LRRIQ1: variants seen among roughly 807,000 people sequenced by gnomAD.
LRRIQ1 encodes leucine rich repeats and IQ motif containing 1, also known as leucine-rich repeat- and IQ domain-containing protein 1.
In LRRIQ1, 210 loss-of-function variants were observed where a neutral mutation model predicts 211.9. The observed-to-expected ratio is 0.99, with a 90% CI of 0.89 to 1.11. LRRIQ1 has a LOEUF of 1.11. Ranked by LOEUF, LRRIQ1 falls within the 50% of genes most tolerant of loss-of-function variation. The pLI is 0.00. For missense variants in LRRIQ1, 2,136 were observed against 1,939.5 expected, an observed-to-expected ratio of 1.10 and a Z score of -1.90; for synonymous variants, 699 against 650.1, an observed-to-expected ratio of 1.08 and a Z score of -1.14.
chr12:85,066,955 T>C, intron 10 of LRRIQ1, 57 bp downstream of exon 10: 1 of 1,033,556 alleles, frequency 9.7e-7, no homozygotes, highest in Non-Finnish European at 1.3e-6. Flanking sequence ...TTATTGTGTT[T>C]TATTTATTCC....
At chr12:85,086,781 A>T (rs1183428102) in intron 11 of LRRIQ1, among the ~76,000 whole-genome samples, 1 of 152,006 alleles carries the variant, frequency 6.6e-6, no homozygotes, top group Non-Finnish European at 1.5e-5. Context: ...GTGTTATAGA[A>T]ACAAGTCTGT....
At chr12:85,271,279 A>G in the LRRIQ1 span, among the ~76,000 whole-genome samples, 1 of 152,178 alleles carries the variant, frequency 6.6e-6, no homozygotes, top group Non-Finnish European at 1.5e-5. Context: ...CTGAATGTGA[A>G]ATTTTGAGAA....
In LRRIQ1 at chr12:85,197,931, AATT is replaced by A. The variant is rs1473608195; in HGVS notation, c.4823-31583_4823-31581del. ...TATATAATAAAAATATATATAATAT[AATT>A]ATATATATTTATATATAATTATATA... On this transcript the variant is annotated intron_variant, in intron 24 of 26. Coordinates refer to ENST00000393217, the MANE Select transcript of LRRIQ1 (RefSeq NM_001079910.2). Among the ~76,000 whole-genome samples, 4 of 111,650 alleles carry A rather than the reference AATT, an allele frequency of 3.6e-5. No homozygotes were observed. The East Asian group carries it at 8.6e-4, about 24-fold the overall frequency. 73.2% of individuals were successfully genotyped at this position (111,650 alleles called of 152,430 possible). A position where few individuals can be genotyped will look rare whatever the true frequency, so the allele number is the denominator to read the frequency against.
chr12:85,198,274 G>A (rs985188397), intron 24 of LRRIQ1, among the ~76,000 whole-genome samples: 11 of 147,950 alleles, frequency 7.4e-5, no homozygotes, highest in Admixed American at 5.6e-4. Flanking sequence ...ATGAACATAC[G>A]TGTCCATGTG....
chr12:85,153,755 A>G lies in LRRIQ1; in HGVS notation c.4634A>G (p.Glu1545Gly). 1 of 1,532,826 alleles carries G rather than the reference A, an allele frequency of 6.5e-7. No homozygotes were observed. The highest frequency in any genetic ancestry group is 1.2e-5 in the South Asian group (1 of 82,356). 95.0% of individuals were successfully genotyped at this position (1,532,826 alleles called of 1,614,324 possible). ...KSEKEKKISE[E>G]WGFKDISTAQ... ...GAAAAAGAAAAAAAAATTTCAGAAG[A>G]ATGGTATGTAGTCAATTTGACACTA... Residue 1545 changes from glutamate to glycine, a missense_variant, in exon 22 of 27, where the codon GAA (glutamate) becomes GGA (glycine). Coordinates refer to ENST00000393217, the MANE Select transcript of LRRIQ1 (RefSeq NM_001079910.2).
At position 85,198,239 on chromosome 12, in the gene LRRIQ1, C is replaced by CT. The variant is rs898925914; in HGVS notation, c.4823-31275dup. The stretch of plus-strand genomic sequence containing the variant: ...ATGGGCATTTAGGTTGGTTCCATGT[C>CT]TTTGTTATTGTGAATAGTGCTGCAA... On this transcript the variant is annotated intron_variant, in intron 24 of 26. Transcript: ENST00000393217. Among the ~76,000 whole-genome samples, 3 of 142,406 alleles carry CT rather than the reference C, an allele frequency of 2.1e-5. No individual in the cohort carries two copies. In the Admixed American group the frequency reaches 2.2e-4, roughly 11 times the overall value. 93.4% of individuals were successfully genotyped at this position (142,406 alleles called of 152,430 possible).
At chr12:85,246,171 A>C (rs1895709285), downstream of LRRIQ1, among the ~76,000 whole-genome samples, 1 of 151,194 alleles carries the variant, frequency 6.6e-6, no homozygotes, top group Non-Finnish European at 1.5e-5. Flanking sequence ...GGAGAGCTTG[A>C]AGTTTTCTTA....
At chr12:85,037,566 G>A (rs1406394335) in intron 1 of LRRIQ1, among the ~76,000 whole-genome samples, 2 of 151,258 alleles carry the variant, frequency 1.3e-5, no homozygotes, top group Non-Finnish European at 2.9e-5. Flanking sequence ...GGAAGTTATG[G>A]GTAGAACTGA....
Position 85,056,970 on chromosome 12 carries a change from C to A in LRRIQ1, c.2177C>A (p.Thr726Asn), listed in dbSNP as rs1299914442. Reference protein sequence around the residue: ...HENAPEPDSMTCCVSESTLLY... With the variant: ...HENAPEPDSMNCCVSESTLLY... ...AATGCACCTGAACCTGATAGCATGA[C>A]CTGCTGTGTATCAGAGTCAACCCTT... Residue 726 changes from threonine to asparagine, a missense_variant, in exon 8 of 27, where the codon ACC becomes AAC. Physicochemically the swap from Thr to Asn is moderately conservative, Grantham distance 65 (BLOSUM62 0). Transcript: ENST00000393217. 4 of 1,611,240 alleles carry A rather than the reference C, an allele frequency of 2.5e-6. No homozygotes were observed. Among genetic ancestry groups the A allele is most frequent in the Non-Finnish European group, 2.5e-6 (3 of 1,178,762 alleles).
At chr12:85,272,211 GTTTA>G in the LRRIQ1 span, among the ~76,000 whole-genome samples, 1 of 152,102 alleles carries the variant, frequency 6.6e-6, no homozygotes, top group Admixed American at 6.5e-5. Flanking sequence ...AGTTTCTTTA[GTTTA>G]TTTGCCAATA....
At chr12:85,236,437 A>G (rs1193851599) in intron 26 of LRRIQ1, among the ~76,000 whole-genome samples, 1 of 152,156 alleles carries the variant, frequency 6.6e-6, no homozygotes, top group African/African-American at 2.4e-5. Context: ...GGTGGTTCAC[A>G]GAGATGATGC....
chr12:85,111,968 A>ACACT (rs1402080729), intron 15 of LRRIQ1, among the ~76,000 whole-genome samples: 181 of 149,680 alleles, frequency 1.2e-3, no homozygotes, highest in Non-Finnish European at 1.6e-3. Context: ...ACACACACAC[A>ACACT]CTCTCTCTCT....
Position 85,087,378 on chromosome 12 carries a change from A to G in LRRIQ1, c.2888-10977A>G, listed in dbSNP as rs1007960553. ...TTTGGGTTGGTTCCAAGTCTTTGCT[A>G]TTGTGAATAGTGCCGCAATAAACAT... On this transcript the variant is annotated intron_variant, in intron 11 of 26. Coordinates refer to ENST00000393217, the MANE Select transcript of LRRIQ1 (RefSeq NM_001079910.2). Among the ~76,000 whole-genome samples, 5 of 152,238 alleles carry G rather than the reference A, an allele frequency of 3.3e-5. 1 individual carries two copies. In the South Asian group the frequency reaches 8.3e-4, roughly 25 times the overall value.
At chr12:85,252,134 C>G (rs188386927) in intron 1 of LRRIQ1, among the ~76,000 whole-genome samples, 22 of 151,778 alleles carry the variant, frequency 1.4e-4, no homozygotes, top group African/African-American at 5.3e-4. Flanking sequence ...TTTATAAAAT[C>G]AAGTTGAATT....
At chr12:85,261,697 G>C (rs937367787) in intron 1 of LRRIQ1, among the ~76,000 whole-genome samples, 1 of 151,854 alleles carries the variant, frequency 6.6e-6, no homozygotes, top group Admixed American at 6.6e-5. Context: ...CACAGATACA[G>C]CCCTGTGCTC....
At chr12:85,071,247 T>G (rs1883052116) in intron 10 of LRRIQ1, among the ~76,000 whole-genome samples, 1 of 152,002 alleles carries the variant, frequency 6.6e-6, no homozygotes, top group African/African-American at 2.4e-5. Context: ...TGCATCTATA[T>G]ATATGCACGT....
At chr12:85,148,833 A>G (rs1422061766) in intron 19 of LRRIQ1, among the ~76,000 whole-genome samples, 1 of 151,856 alleles carries the variant, frequency 6.6e-6, no homozygotes, top group Admixed American at 6.6e-5. Flanking sequence ...CATTTTAATA[A>G]TTGTCATTCT....
At chr12:85,173,573 T>C (rs1891523127) in intron 24 of LRRIQ1, among the ~76,000 whole-genome samples, 2 of 151,996 alleles carry the variant, frequency 1.3e-5, no homozygotes, top group East Asian at 3.9e-4. Context: ...ACACTCTTTT[T>C]CTCCCTGCTC....
At chr12:85,096,134 G>T (rs1359538642) in intron 11 of LRRIQ1, among the ~76,000 whole-genome samples, 3 of 151,944 alleles carry the variant, frequency 2.0e-5, no homozygotes, top group Non-Finnish European at 4.4e-5. Flanking sequence ...TTTATTCTTT[G>T]TGTGGATTTT....
Sources: gnomAD v4.1 joint callset for allele counts (sites outside exome capture counted in the v4.1 genomes callset) on GRCh38, gnomAD v4.1.1 for gene constraint, MANE v1.5 for transcripts, NCBI Gene and HGNC (gene_info 2026-07-23, HGNC 2026-07-21) for gene names.